Variants in EBF4 observed in about 807,000 individuals in gnomAD.
The protein encoded by EBF4 is transcription factor COE4.
EBF4 carries 34 observed loss-of-function variants against 67.1 expected under a neutral mutation model. That is an observed-to-expected ratio of 0.51 (90% CI 0.39 to 0.67). The LOEUF is 0.67. Among genes scored for constraint, EBF4 ranks in the 30% least tolerant of loss-of-function variants. The pLI is 0.00. For missense variants in EBF4, 837 were observed against 873.3 expected, an observed-to-expected ratio of 0.96 and a Z score of 0.52; for synonymous variants, 387 against 377.7, an observed-to-expected ratio of 1.02 and a Z score of -0.29.
At chr20:2,758,984 G>A (rs6115661) in exon 16 of EBF4, 2 of 1,551,618 alleles carry the variant, frequency 1.3e-6, no homozygotes, top group Non-Finnish European at 1.7e-6. Context: ...TCCTAATTAC[G>A]GTAGGTCTCT....
chr20:2,755,621 C>CCG lies in EBF4; in HGVS notation c.1541-5_1541-4dup. 1 of 1,448,122 alleles carries CCG rather than the reference C, an allele frequency of 6.9e-7. No individual in the cohort carries two copies. Among genetic ancestry groups the CCG allele is most frequent in the Non-Finnish European group, 9.5e-7 (1 of 1,055,128 alleles). 89.7% of individuals were successfully genotyped at this position (1,448,122 alleles called of 1,614,324 possible). On this transcript the variant is annotated splice_polypyrimidine_tract_variant and splice_region_variant and intron_variant, in intron 14 of 16. Coordinates refer to ENST00000609451, the Ensembl canonical transcript of EBF4. The surrounding 1 kb of genome is among the most constrained non-coding windows in gnomAD (Gnocchi z 4.7). ...TGCGCCTGCCCCTCCCCGCCCCGCC[C>CCG]CGGAGTCATGCCCTCTAGCCCCCCG...
intron 1 of EBF4, among the ~76,000 whole-genome samples, chr20:2,704,797 A>G (rs891981811): frequency 6.6e-6 from 1 of 152,130 alleles, no homozygotes; most frequent in Non-Finnish European, 1.5e-5. Context: ...AGTTGTTGCC[A>G]TGTGTCCAGT....
At position 2,717,298 on chromosome 20, in the gene EBF4, C is replaced by CA. The variant is rs199810356; in HGVS notation, c.557+7664dup. Among the ~76,000 whole-genome samples, 372 of 150,946 alleles carry CA rather than the reference C, an allele frequency of 2.5e-3. 1 individual carries two copies. The highest frequency in any genetic ancestry group is 3.8e-3 in the Admixed American group (58 of 15,174). On this transcript the variant is annotated intron_variant, in intron 6 of 16. Coordinates refer to ENST00000609451, the Ensembl canonical transcript of EBF4. ...GGAATACAAGAGTAAACAAAGCAGA[C>CA]AAAAAAAACCTGTTCTCCTGGAGAG... is the stretch of plus-strand genomic sequence containing the variant.
chr20:2,721,489 C>G (rs748797522), intron 6 of EBF4, among the ~76,000 whole-genome samples: 89 of 152,030 alleles, frequency 5.9e-4, no homozygotes, highest in Non-Finnish European at 1.2e-3. Context: ...GAGTCTCGCT[C>G]TGTCACCCAG....
At chr20:2,741,140 C>T (rs542488982) in intron 6 of EBF4, among the ~76,000 whole-genome samples, 4 of 152,114 alleles carry the variant, frequency 2.6e-5, no homozygotes, top group Admixed American at 6.5e-5. Context: ...CTGAGACCTC[C>T]GTCTCTACAA....
At chr20:2,704,709 T>TG (rs1489059995) in intron 1 of EBF4, among the ~76,000 whole-genome samples, 2 of 152,222 alleles carry the variant, frequency 1.3e-5, no homozygotes, top group Non-Finnish European at 2.9e-5. Context: ...TGGACATCTT[T>TG]GGGGGGCACC....
chr20:2,715,301 G>C (rs1038215127), intron 6 of EBF4, among the ~76,000 whole-genome samples: 12 of 152,096 alleles, frequency 7.9e-5, no homozygotes, highest in Non-Finnish European at 1.5e-4. Flanking sequence ...CTTCTGCAAT[G>C]CTCTTTTTAA....
chr20:2,748,638 T>A lies in EBF4; in HGVS notation c.639+8T>A, dbSNP rs945446068. On this transcript the variant is annotated splice_region_variant and intron_variant, in intron 7 of 16. Coordinates refer to ENST00000609451, the Ensembl canonical transcript of EBF4. ...GACATGCGCCGCTTCCAGGTGGGTC[T>A]GGAGAGAGGGTTTCCCCTTGCAACC... is the stretch of plus-strand genomic sequence containing the variant. 3 of 1,550,494 alleles carry A rather than the reference T, an allele frequency of 1.9e-6. No individual in the cohort carries two copies. The highest frequency in any genetic ancestry group is 2.6e-6 in the Non-Finnish European group (3 of 1,145,980).
chr20:2,694,601 G>T (rs527796630), intron 1 of EBF4, among the ~76,000 whole-genome samples: 5 of 152,300 alleles, frequency 3.3e-5, no homozygotes, highest in South Asian at 4.1e-4. Context: ...ATCCTATGGG[G>T]AGTCACAGTG....
intron 6 of EBF4, among the ~76,000 whole-genome samples, chr20:2,736,993 T>G (rs936701843): frequency 1.3e-5 from 2 of 151,974 alleles, no homozygotes; most frequent in East Asian, 3.9e-4. Context: ...CTCACGCTTG[T>G]AATCCCAGCA....
chr20:2,723,385 C>G (rs1205044497), intron 6 of EBF4, among the ~76,000 whole-genome samples: 1 of 152,046 alleles, frequency 6.6e-6, no homozygotes, highest in African/African-American at 2.4e-5. Flanking sequence ...GAGTCTCGCT[C>G]TGTCGCCCAG....
intron 6 of EBF4, among the ~76,000 whole-genome samples, chr20:2,733,188 T>C (rs79498103): frequency 6.6e-6 from 1 of 152,356 alleles, no homozygotes; most frequent in Admixed American, 6.5e-5. Context: ...TGCAATTTTT[T>C]GGTCGATAGT....
intron 6 of EBF4, among the ~76,000 whole-genome samples, chr20:2,746,860 C>A (rs1385211250): frequency 6.6e-6 from 1 of 152,142 alleles, no homozygotes; most frequent in Non-Finnish European, 1.5e-5. Flanking sequence ...CATACAGTGG[C>A]CCAGGAGGCT....
At chr20:2,749,862 G>T (rs1225717549) in exon 10 of EBF4, 4 of 1,550,416 alleles carry the variant, frequency 2.6e-6, no homozygotes, top group Non-Finnish European at 3.5e-6. Flanking sequence ...CACGCCCCAC[G>T]CCATCCGGGT....
chr20:2,751,706 A>G lies in EBF4; in HGVS notation c.1025A>G (p.Asn342Ser). The G allele has an allele frequency of 6.5e-7, 1 of 1,548,138 alleles. No individual in the cohort carries two copies. Among genetic ancestry groups the G allele is most frequent in the Non-Finnish European group, 8.7e-7 (1 of 1,145,436 alleles). The change falls in exon 11 of 17, where the codon AAC becomes AGC. Residue 342 changes from asparagine to serine, a missense_variant. By Grantham distance (46) the Asn-to-Ser change is conservative (BLOSUM62 1). Around this residue, in one of 3 missense-constraint regions of EBF4, gnomAD observed 525 missense variants for 496.5 expected, o/e 1.06. Transcript: ENST00000609451. This position sits in a 1 kb window ranked among gnomAD's most constrained non-coding sequence, Gnocchi z 5.2. ...ACGCCGCCCCCTTCCCCAGCTCTGA[A>G]CGAGCCCACCATTGACTACGGATTC... is the stretch of plus-strand genomic sequence containing the variant.
At chr20:2,711,809 A>C (rs2087548488) in intron 6 of EBF4, among the ~76,000 whole-genome samples, 1 of 152,236 alleles carries the variant, frequency 6.6e-6, no homozygotes, top group Admixed American at 6.5e-5. Flanking sequence ...GATAACAGCT[A>C]AGAAAAATAA....
At chr20:2,737,250 CAA>C (rs777580766) in intron 6 of EBF4, among the ~76,000 whole-genome samples, 2 of 114,842 alleles carry the variant, frequency 1.7e-5, no homozygotes, top group Middle Eastern at 4.5e-3. Flanking sequence ...AACTCCGTCT[CAA>C]AAAAAAAAAA....
At chr20:2,750,106 G>T in intron 10 of EBF4, 133 bp downstream of exon 10, 11 of 1,348,090 alleles carry the variant, frequency 8.2e-6, no homozygotes, top group Non-Finnish European at 1.1e-5. Flanking sequence ...ACGGCCCCGG[G>T]CCCCTTTAAC....
intron 1 of EBF4, among the ~76,000 whole-genome samples, chr20:2,695,646 C>G (rs1403547139): frequency 1.3e-5 from 2 of 152,196 alleles, no homozygotes; most frequent in Non-Finnish European, 2.9e-5. Context: ...GCTGCCTCAT[C>G]CTTCCTCCCC....
Sources: gnomAD v4.1 joint callset for allele counts (sites outside exome capture counted in the v4.1 genomes callset) on GRCh38, gnomAD v4.1.1 for gene constraint, gnomAD v4.1.1 regional missense constraint, Gnocchi (gnomAD v3.1) non-coding constraint, MANE v1.5 for transcripts, NCBI Gene and HGNC (gene_info 2026-07-23, HGNC 2026-07-21) for gene names.